The following NCAM1 variants were observed in gnomAD, a reference collection of about 807,000 sequenced individuals.
NCAM1 encodes antigen recognized by monoclonal antibody 5.1H11.
A neutral mutation model predicts 109.8 loss-of-function variants in NCAM1; 14 were observed. The observed-to-expected ratio is 0.13, with a 90% CI of 0.08 to 0.20. The LOEUF is 0.20. Among genes scored for constraint, NCAM1 ranks in the 10% least tolerant of loss-of-function variants. The probability of loss-of-function intolerance (pLI) is 1.00; values close to 1 mark genes in which losing one functional copy is unlikely to be tolerated. For synonymous variants in NCAM1, 418 were observed against 442.9 expected (o/e 0.94, Z 0.70); for missense variants, 774 against 1,109.9 (o/e 0.70, Z 4.30).
At chr11:113,246,489 T>G in intron 15 of NCAM1, 119 bp downstream of exon 15, 1 of 671,190 alleles carries the variant, frequency 1.5e-6, no homozygotes, top group Non-Finnish European at 2.7e-6. Context: ...GATTTCCTCT[T>G]GTTCTCAATT....
chr11:113,260,912 A>G (rs1259981264), intron 17 of NCAM1, among the ~76,000 whole-genome samples: 5 of 152,374 alleles, frequency 3.3e-5, no homozygotes, highest in African/African-American at 7.2e-5. Flanking sequence ...AGCACCATCA[A>G]TGAAAGCAAT....
intron 1 of NCAM1, among the ~76,000 whole-genome samples, chr11:113,121,007 T>A (rs934603705): frequency 6.6e-6 from 1 of 152,120 alleles, no homozygotes; most frequent in Non-Finnish European, 1.5e-5. Context: ...CTCTGTGATA[T>A]GAGTTTTCAT....
intron 1 of NCAM1, among the ~76,000 whole-genome samples, chr11:113,056,566 C>T (rs1165371855): frequency 1.3e-5 from 2 of 152,130 alleles, no homozygotes; most frequent in Non-Finnish European, 2.9e-5. Flanking sequence ...AAACTCTCTT[C>T]CTTTCTGGTC....
intron 1 of NCAM1, among the ~76,000 whole-genome samples, chr11:113,075,729 G>C (rs1591304434): frequency 6.6e-6 from 1 of 152,276 alleles, no homozygotes; most frequent in East Asian, 1.9e-4. Flanking sequence ...ACCCTTACTA[G>C]CCAGATGACC....
intron 1 of NCAM1, among the ~76,000 whole-genome samples, chr11:113,200,217 G>A (rs983969213): frequency 2.0e-5 from 3 of 152,184 alleles, no homozygotes; most frequent in African/African-American, 7.2e-5. Context: ...CTCCAGAAAA[G>A]ATCAGGACTT....
chr11:113,172,584 TTG>T, intron 1 of NCAM1, among the ~76,000 whole-genome samples: 1 of 152,202 alleles, frequency 6.6e-6, no homozygotes, highest in African/African-American at 2.4e-5. Flanking sequence ...ATTGCACATT[TTG>T]TTTAATTATG....
intron 1 of NCAM1, among the ~76,000 whole-genome samples, chr11:113,037,940 T>C (rs1952945145): frequency 6.6e-6 from 1 of 152,122 alleles, no homozygotes; most frequent in African/African-American, 2.4e-5. Flanking sequence ...TTAGAGATTG[T>C]CTGGCCCAGC....
intron 1 of NCAM1, chr11:113,133,143 C>T (rs1941467639): frequency 6.6e-6 from 1 of 152,192 alleles, no homozygotes; most frequent in Non-Finnish European, 1.5e-5. Flanking sequence ...GAGGGAAGTC[C>T]TTGGGTAGAT....
At chr11:113,104,796 G>A (rs1385969714) in intron 1 of NCAM1, among the ~76,000 whole-genome samples, 1 of 152,180 alleles carries the variant, frequency 6.6e-6, no homozygotes, top group African/African-American at 2.4e-5. Context: ...AGAAGTTAAT[G>A]TATAACCTCT....
chr11:113,170,020 T>A (rs1308911631), intron 1 of NCAM1, among the ~76,000 whole-genome samples: 1 of 152,216 alleles, frequency 6.6e-6, no homozygotes, highest in African/African-American at 2.4e-5. Flanking sequence ...GTGTCTCGAT[T>A]CCTACAACTC....
chr11:113,272,644 G>C (rs1397680284), intron 19 of NCAM1, among the ~76,000 whole-genome samples: 3 of 152,128 alleles, frequency 2.0e-5, no homozygotes, highest in African/African-American at 7.2e-5. Context: ...AAGGACTTCA[G>C]GGAAAGGGAG....
rs1555108634 is a variant in NCAM1, at chr11:113,185,068, T to TATATATATATATA, written c.53-17311_53-17310insATATATATATATA. Among the ~76,000 whole-genome samples, 19 of 99,596 alleles carry TATATATATATATA rather than the reference T, an allele frequency of 1.9e-4. 2 individuals carry two copies. Among genetic ancestry groups the TATATATATATATA allele is most frequent in the East Asian group, 7.5e-4 (2 of 2,672 alleles). 65.3% of individuals were successfully genotyped at this position (99,596 alleles called of 152,430 possible). On this transcript the variant is annotated intron_variant, in intron 1 of 19. Coordinates refer to ENST00000316851, the MANE Select transcript of NCAM1 (RefSeq NM_181351.5). The stretch of plus-strand genomic sequence containing the variant: ...TATGTGTATGTGTGTGCATTTATAT[T>TATATATATATATA]TATATATATATAGAGAGAGAGAGAG...
intron 15 of NCAM1, among the ~76,000 whole-genome samples, chr11:113,253,795 G>A (rs1555121833): frequency 6.6e-6 from 1 of 152,174 alleles, no homozygotes; most frequent in Non-Finnish European, 1.5e-5. Flanking sequence ...TCAGCACAGA[G>A]TCAGTGTCAT....
At chr11:113,269,982 T>A in intron 17 of NCAM1, 3 of 596,704 alleles carry the variant, frequency 5.0e-6, no homozygotes, top group Non-Finnish European at 3.0e-6. Context: ...TGAGATGATG[T>A]TGTCATCCCT....
intron 1 of NCAM1, among the ~76,000 whole-genome samples, chr11:113,003,337 A>C (rs1004267026): frequency 3.0e-4 from 45 of 152,258 alleles, no homozygotes; most frequent in African/African-American, 1.1e-3. Flanking sequence ...TGGATGAATG[A>C]AATGTCCCAA....
intron 1 of NCAM1, among the ~76,000 whole-genome samples, chr11:113,137,538 T>C (rs1191932681): frequency 4.6e-5 from 7 of 152,224 alleles, no homozygotes; most frequent in Non-Finnish European, 1.0e-4. Flanking sequence ...ATCTAAAATG[T>C]AAGACATCTC....
At position 113,231,539 on chromosome 11, in the gene NCAM1, C is replaced by T. The variant is rs1230659761; in HGVS notation, c.1090-106C>T. 4 of 1,195,286 alleles carry T rather than the reference C, an allele frequency of 3.3e-6. No homozygotes were observed. In the African/African-American group the frequency reaches 6.0e-5, roughly 18 times the overall value. The allele number at this position is 1,195,286 out of a possible 1,614,324, so 74.0% of individuals were successfully genotyped here. On this transcript the variant is annotated intron_variant, in intron 9 of 19. Coordinates refer to ENST00000316851, the MANE Select transcript of NCAM1 (RefSeq NM_181351.5). ...AGGAGAGAGGAAGTGAGACGGGTCA[C>T]AGACAAGTGATGGCCTAGTCTCCCA...
chr11:113,081,286 T>G (rs1166731893), intron 1 of NCAM1, among the ~76,000 whole-genome samples: 1 of 151,680 alleles, frequency 6.6e-6, no homozygotes, highest in Non-Finnish European at 1.5e-5. Context: ...GGTAAAGGAG[T>G]CTAAGACAGC....
intron 1 of NCAM1, among the ~76,000 whole-genome samples, chr11:112,974,802 G>C (rs977389023): frequency 2.7e-5 from 4 of 149,694 alleles, no homozygotes; most frequent in Admixed American, 2.0e-4. Flanking sequence ...CCCTCCTGTA[G>C]CTTACAGTTT....
Sources: gnomAD v4.1 joint callset for allele counts (sites outside exome capture counted in the v4.1 genomes callset) on GRCh38, gnomAD v4.1.1 for gene constraint, MANE v1.5 for transcripts, NCBI Gene and HGNC (gene_info 2026-07-23, HGNC 2026-07-21) for gene names.